Variants in XPR1 observed in about 807,000 individuals in gnomAD.
XPR1 encodes solute carrier family 53 member 1.
In XPR1, 28 loss-of-function variants were observed where a neutral mutation model predicts 87.5. The observed-to-expected ratio is 0.32, with a 90% CI of 0.24 to 0.44. The LOEUF (loss-of-function observed/expected upper bound fraction) is 0.44, where lower values mean the gene tolerates loss of function less well. XPR1 is among the 20% of genes least tolerant of loss of function. The pLI is 1.00. For missense variants in XPR1, 559 were observed against 862.3 expected (o/e 0.65, Z 4.41); for synonymous variants, 300 against 306.1 (o/e 0.98, Z 0.21).
intron 2 of XPR1, among the ~76,000 whole-genome samples, chr1:180,696,165 G>GGTGTGTGT (rs59249501): frequency 2.9e-4 from 30 of 102,990 alleles, no homozygotes; most frequent in East Asian, 6.2e-4. Context: ...TTTATTCCTG[G>GGTGTGTGT]GTGTGTGTGT....
chr1:180,880,347 A>G (rs373106362), intron 14 of XPR1, 50 bp downstream of exon 14: 118 of 1,599,560 alleles, frequency 7.4e-5, no homozygotes, highest in Non-Finnish European at 9.3e-5. Flanking sequence ...GAGTTTTAGC[A>G]TTGGGTAGCA....
At position 180,835,029 on chromosome 1, in the gene XPR1, G is replaced by T. The variant is rs767608786; in HGVS notation, c.1290G>T (p.Leu430Phe). ...AATGGGATGAAAGTAAGGGCCTGTT[G>T]CCAAATAATTCAGAAGGTAGGGTAT... ...ELKWDESKGLLPNNSEESGIC... is the reference protein window; with the variant it reads ...ELKWDESKGLFPNNSEESGIC... The change falls in exon 10 of 15, where the codon TTG becomes TTT. Residue 430 changes from leucine (L) to phenylalanine (F), a missense_variant. By Grantham distance (22) the Leu-to-Phe change is conservative. This residue lies in a region of XPR1 where 264 missense variants were observed against 377.2 expected (regional missense o/e 0.70). Transcript: ENST00000367590. 1.2e-6 allele frequency: 2 copies of T among 1,613,602 alleles called. No homozygotes were observed. The highest frequency in any genetic ancestry group is 8.5e-7 in the Non-Finnish European group (1 of 1,179,846).
At chr1:180,702,821 T>C (rs1310576300) in intron 2 of XPR1, among the ~76,000 whole-genome samples, 3 of 152,182 alleles carry the variant, frequency 2.0e-5, no homozygotes, top group East Asian at 3.9e-4. Flanking sequence ...GGAGAACTTG[T>C]GTTTCTTTGG....
chr1:180,648,594 C>CA (rs1409566634), intron 1 of XPR1, among the ~76,000 whole-genome samples: 3 of 152,162 alleles, frequency 2.0e-5, no homozygotes, highest in Non-Finnish European at 4.4e-5. Flanking sequence ...GCAACCTCCA[C>CA]CTCCTGGGTT....
chr1:180,814,131 C>G (rs1650320166), intron 7 of XPR1, among the ~76,000 whole-genome samples: 1 of 152,146 alleles, frequency 6.6e-6, no homozygotes, highest in Admixed American at 6.5e-5. Flanking sequence ...CTGCTTAAGA[C>G]TATCAATTGT....
intron 1 of XPR1, among the ~76,000 whole-genome samples, chr1:180,668,525 A>G (rs1038920258): frequency 1.3e-5 from 2 of 152,142 alleles, no homozygotes; most frequent in Non-Finnish European, 2.9e-5. Context: ...TGAAATTTGA[A>G]TTTGAAATCC....
At chr1:180,847,644 G>A (rs559254433) in intron 11 of XPR1, among the ~76,000 whole-genome samples, 2 of 152,160 alleles carry the variant, frequency 1.3e-5, no homozygotes, top group African/African-American at 4.8e-5. Flanking sequence ...TGTGATGAAA[G>A]CGTGAAAAAA....
chr1:180,669,697 G>C (rs7527018), intron 1 of XPR1, among the ~76,000 whole-genome samples: 6,512 of 152,178 alleles, frequency 0.043, 484 homozygotes, highest in African/African-American at 0.15. Flanking sequence ...CATGGGGGAT[G>C]TTCCAAGACC....
At chr1:180,719,205 AT>A (rs1299203969) in intron 2 of XPR1, among the ~76,000 whole-genome samples, 1 of 152,234 alleles carries the variant, frequency 6.6e-6, no homozygotes, top group African/African-American at 2.4e-5. Context: ...GAGAACAGAG[AT>A]TCTAATTCTG....
intron 1 of XPR1, among the ~76,000 whole-genome samples, chr1:180,637,067 A>AGG (rs1288693370): frequency 5.0e-4 from 66 of 132,328 alleles, no homozygotes; most frequent in Non-Finnish European, 7.2e-4. Flanking sequence ...AAAAAAAAAA[A>AGG]AAAAGGAAAA....
chr1:180,775,037 C>T (rs1032891394), intron 2 of XPR1, among the ~76,000 whole-genome samples: 9 of 152,158 alleles, frequency 5.9e-5, no homozygotes, highest in Non-Finnish European at 8.8e-5. Flanking sequence ...TCTTTTATAA[C>T]GTCACTAATC....
chr1:180,739,163 C>T (rs1302280284), intron 2 of XPR1, among the ~76,000 whole-genome samples: 1 of 152,150 alleles, frequency 6.6e-6, no homozygotes, highest in East Asian at 1.9e-4. Context: ...TGCCTGTGCA[C>T]CTTTGTCAAA....
chr1:180,647,359 A>G (rs1655152226), intron 1 of XPR1, among the ~76,000 whole-genome samples: 2 of 152,250 alleles, frequency 1.3e-5, no homozygotes, highest in African/African-American at 4.8e-5. Flanking sequence ...TAACATTATG[A>G]TGGCTACAAC....
intron 1 of XPR1, among the ~76,000 whole-genome samples, chr1:180,650,568 GCT>G (rs1655261639): frequency 6.6e-6 from 1 of 152,178 alleles, no homozygotes; most frequent in Non-Finnish European, 1.5e-5. Flanking sequence ...TTCACCATGA[GCT>G]CTTTTTGTCA....
intron 2 of XPR1, among the ~76,000 whole-genome samples, chr1:180,757,572 A>C (rs1647796715): frequency 6.7e-6 from 1 of 149,180 alleles, no homozygotes; most frequent in Non-Finnish European, 1.5e-5. Context: ...GCAGTGGCCC[A>C]ATCATGGTTC....
intron 2 of XPR1, among the ~76,000 whole-genome samples, chr1:180,683,993 T>G (rs961513249): frequency 6.6e-6 from 1 of 152,200 alleles, no homozygotes; most frequent in Non-Finnish European, 1.5e-5. Context: ...AATTTTGGCT[T>G]TTGTTGCCAT....
At chr1:180,753,886 G>A (rs1322264898) in intron 2 of XPR1, among the ~76,000 whole-genome samples, 1 of 152,056 alleles carries the variant, frequency 6.6e-6, no homozygotes, top group African/African-American at 2.4e-5. Flanking sequence ...TTGTTTTATA[G>A]TACTATTTCC....
At chr1:180,760,813 T>C (rs558381387) in intron 2 of XPR1, among the ~76,000 whole-genome samples, 4 of 152,216 alleles carry the variant, frequency 2.6e-5, no homozygotes, top group South Asian at 4.1e-4. Flanking sequence ...GCCAAGTCAA[T>C]CCTAAGCCAA....
chr1:180,785,363 G>C (rs1393357447), intron 2 of XPR1, among the ~76,000 whole-genome samples: 4 of 151,942 alleles, frequency 2.6e-5, no homozygotes, highest in African/African-American at 9.7e-5. Context: ...TCACCATGTT[G>C]GTCAGGCTGG....
Sources: allele counts gnomAD v4.1 joint callset (sites outside exome capture counted in the v4.1 genomes callset), GRCh38; gene constraint gnomAD v4.1.1; regional missense constraint gnomAD v4.1.1; transcripts MANE v1.5; gene names NCBI Gene and HGNC (gene_info 2026-07-23, HGNC 2026-07-21).